The following ZFHX3 variants were observed in gnomAD, a reference collection of about 807,000 sequenced individuals.
The protein encoded by ZFHX3 is zinc finger homeobox 3.
Under a neutral mutation model 279.1 loss-of-function variants are expected in ZFHX3, and 42 were observed. That is an observed-to-expected ratio of 0.15 (90% CI 0.12 to 0.19). The LOEUF (loss-of-function observed/expected upper bound fraction) is 0.19. Among genes scored for constraint, ZFHX3 ranks in the 10% least tolerant of loss-of-function variants. The pLI is 1.00. For synonymous variants in ZFHX3, 2,293 were observed against 1,957.8 expected (o/e 1.17, Z -4.52); for missense variants, 4,981 against 4,754.0 (o/e 1.05, Z -1.40).
intron 3 of ZFHX3, among the ~76,000 whole-genome samples, chr16:73,330,036 G>A (rs187825379): frequency 4.4e-4 from 67 of 152,290 alleles, no homozygotes; most frequent in African/African-American, 1.5e-3. Flanking sequence ...TTCATGGCAT[G>A]CCCCAGCTAC....
chr16:73,085,434 T>A (rs1459364006), intron 8 of ZFHX3, among the ~76,000 whole-genome samples: 1 of 152,080 alleles, frequency 6.6e-6, no homozygotes, highest in East Asian at 1.9e-4. Flanking sequence ...AATTTAGAGA[T>A]GGGGTTTCAC....
chr16:73,102,607 T>C (rs1338571414), intron 7 of ZFHX3, among the ~76,000 whole-genome samples: 1 of 152,200 alleles, frequency 6.6e-6, no homozygotes, highest in African/African-American at 2.4e-5. Flanking sequence ...AGCCTTTCTG[T>C]CCTTGGTATT....
intron 1 of ZFHX3, among the ~76,000 whole-genome samples, chr16:73,709,700 T>C (rs1353059884): frequency 6.6e-6 from 1 of 152,106 alleles, no homozygotes; most frequent in Non-Finnish European, 1.5e-5. Context: ...AGATCTAGTG[T>C]ACAACATGAT....
intron 2 of ZFHX3, among the ~76,000 whole-genome samples, chr16:73,650,307 G>C (rs1402838505): frequency 6.7e-6 from 1 of 149,168 alleles, no homozygotes; most frequent in African/African-American, 2.5e-5. Flanking sequence ...TGGAAGCAGA[G>C]TACTAAAGCT....
chr16:73,497,629 C>T (rs1216417697), intron 2 of ZFHX3, among the ~76,000 whole-genome samples: 1 of 152,070 alleles, frequency 6.6e-6, no homozygotes, highest in Non-Finnish European at 1.5e-5. Context: ...ATGTTCACGC[C>T]ACTGCACTCC....
At chr16:72,982,254 C>T (rs947818685) in intron 1 of ZFHX3, among the ~76,000 whole-genome samples, 2 of 152,102 alleles carry the variant, frequency 1.3e-5, no homozygotes, top group South Asian at 2.1e-4. Flanking sequence ...ATCATATTTT[C>T]GATTTTACAG....
At chr16:73,839,924 A>T (rs1183978396) in intron 1 of ZFHX3, among the ~76,000 whole-genome samples, 4 of 152,076 alleles carry the variant, frequency 2.6e-5, no homozygotes. Context: ...TGCTAGTAAC[A>T]TTTCCCCTGT....
At position 72,786,583 on chromosome 16, in the gene ZFHX3, A is replaced by AC. The variant is rs1491076514; in HGVS notation, c.*580dup. 3 of 148,358 alleles carry AC rather than the reference A, an allele frequency of 2.0e-5. No individual in the cohort carries two copies. The highest frequency in any genetic ancestry group is 7.4e-5 in the African/African-American group (3 of 40,416). The allele number at this position is 148,358 out of a possible 1,614,324, so 9.2% of individuals were successfully genotyped here. The stretch of plus-strand genomic sequence containing the variant: ...AACAAAACAAAAAATCTTTTCTGGA[A>AC]CAAAAAAAAAAAAAAAAACTGAAAA... On this transcript the variant is annotated 3_prime_UTR_variant, in exon 10 of 10. Transcript: ENST00000268489.
At chr16:73,676,930 C>T (rs1369976199) in intron 2 of ZFHX3, among the ~76,000 whole-genome samples, 4 of 151,986 alleles carry the variant, frequency 2.6e-5, no homozygotes, top group South Asian at 2.1e-4. Flanking sequence ...TGTCAAATAA[C>T]GCAACACTGA....
At chr16:73,679,019 A>G (rs1387441352) in intron 2 of ZFHX3, among the ~76,000 whole-genome samples, 1 of 152,206 alleles carries the variant, frequency 6.6e-6, no homozygotes, top group Non-Finnish European at 1.5e-5. Flanking sequence ...CTGAAAATCT[A>G]TAGTCCAAGC....
At chr16:72,829,581 T>C (rs2037016541) in intron 5 of ZFHX3, 198 bp downstream of exon 5, 5 of 599,828 alleles carry the variant, frequency 8.3e-6, no homozygotes, top group Non-Finnish European at 1.5e-5. Context: ...TACAGTATAA[T>C]GTAGTATAAT....
intron 2 of ZFHX3, among the ~76,000 whole-genome samples, chr16:73,473,650 G>C (rs2143609264): frequency 6.6e-6 from 1 of 152,258 alleles, no homozygotes; most frequent in South Asian, 2.1e-4. Context: ...GTATGATTCT[G>C]TTCCCTTGCA....
At chr16:73,796,975 G>T (rs1226067147) in intron 1 of ZFHX3, among the ~76,000 whole-genome samples, 2 of 152,168 alleles carry the variant, frequency 1.3e-5, no homozygotes, top group Non-Finnish European at 2.9e-5. Context: ...GCCAAGGCGG[G>T]TGGATCACCA....
At chr16:73,085,985 C>CAAAAAAA (rs57128744) in intron 8 of ZFHX3, among the ~76,000 whole-genome samples, 28 of 54,134 alleles carry the variant, frequency 5.2e-4, no homozygotes, top group South Asian at 1.4e-3. Flanking sequence ...AACTCAATTG[C>CAAAAAAA]AAAAAAAAAA....
chr16:72,907,733 G>A (rs2039218934), intron 3 of ZFHX3, among the ~76,000 whole-genome samples: 1 of 150,260 alleles, frequency 6.7e-6, no homozygotes, highest in Non-Finnish European at 1.5e-5. Context: ...CTGGAGTTCA[G>A]TGGCAGGTGG....
At chr16:72,890,372 C>T (rs1287880781) in intron 3 of ZFHX3, among the ~76,000 whole-genome samples, 4 of 152,196 alleles carry the variant, frequency 2.6e-5, no homozygotes, top group Non-Finnish European at 5.9e-5. Flanking sequence ...TTCCTGAGGC[C>T]TCCCCACCCC....
chr16:72,884,939 G>C (rs1317939243), intron 4 of ZFHX3, among the ~76,000 whole-genome samples: 2 of 152,272 alleles, frequency 1.3e-5, no homozygotes, highest in Admixed American at 6.5e-5. Context: ...ATGCCGAGAC[G>C]AAATCCCAAC....
intron 3 of ZFHX3, among the ~76,000 whole-genome samples, chr16:73,323,867 T>C (rs909090811): frequency 3.1e-4 from 47 of 152,228 alleles, no homozygotes; most frequent in African/African-American, 1.1e-3. Context: ...AAAACAAAAG[T>C]GATCAACCCA....
chr16:73,810,708 G>A (rs995169141), intron 1 of ZFHX3, among the ~76,000 whole-genome samples: 7 of 152,060 alleles, frequency 4.6e-5, no homozygotes, highest in Non-Finnish European at 8.8e-5. Flanking sequence ...AAAAAAAAAT[G>A]GAAGAGCTTG....
Sources: allele counts gnomAD v4.1 joint callset (sites outside exome capture counted in the v4.1 genomes callset), GRCh38; gene constraint gnomAD v4.1.1; transcripts MANE v1.5; gene names NCBI Gene and HGNC (gene_info 2026-07-23, HGNC 2026-07-21).